SEMA3C: variants seen among roughly 807,000 people sequenced by gnomAD.
SEMA3C encodes the protein semaphorin-3C.
In SEMA3C, 47 loss-of-function variants were observed where a neutral mutation model predicts 89.4. That is an observed-to-expected ratio of 0.53 (90% CI 0.42 to 0.67). The LOEUF (loss-of-function observed/expected upper bound fraction) is 0.67, where lower values mean the gene tolerates loss of function less well. Among genes scored for constraint, SEMA3C ranks in the 30% least tolerant of loss-of-function variants. The pLI is 0.00. For synonymous variants in SEMA3C, 310 were observed against 320.2 expected, an observed-to-expected ratio of 0.97 and a Z score of 0.34; for missense variants, 839 against 929.1, an observed-to-expected ratio of 0.90 and a Z score of 1.26.
intron 2 of SEMA3C, among the ~76,000 whole-genome samples, chr7:80,885,371 C>T (rs926303392): frequency 4.6e-5 from 7 of 152,102 alleles, no homozygotes; most frequent in African/African-American, 1.7e-4. Context: ...AATCCTAGCA[C>T]TTTGGGAGGC....
At chr7:80,769,862 CCCAAAA>C (rs1416505027) in intron 12 of SEMA3C, among the ~76,000 whole-genome samples, 195 of 99,432 alleles carry the variant, frequency 2.0e-3, no homozygotes, top group African/African-American at 8.7e-3. Context: ...CTGTCCCCCC[CCCAAAA>C]AAAAAAAAAA....
intron 13 of SEMA3C, 95 bp from the exon 14 acceptor site, chr7:80,761,752 C>A: frequency 1.5e-6 from 1 of 688,578 alleles, no homozygotes; most frequent in South Asian, 1.8e-5. Flanking sequence ...AAGAAGAAAT[C>A]ACTTTTCTTT....
intron 2 of SEMA3C, among the ~76,000 whole-genome samples, chr7:80,890,970 G>C (rs926755315): frequency 6.6e-6 from 1 of 152,068 alleles, no homozygotes; most frequent in African/African-American, 2.4e-5. Context: ...ATGAATATTG[G>C]TTCAGATCTC....
chr7:80,901,180 CA>C (rs976256365), intron 2 of SEMA3C, among the ~76,000 whole-genome samples: 32 of 152,138 alleles, frequency 2.1e-4, no homozygotes, highest in Admixed American at 2.0e-3. Flanking sequence ...TTCCAGTTGT[CA>C]AGTTAGTTAG....
chr7:80,781,853 G>A (rs866469091), intron 12 of SEMA3C, among the ~76,000 whole-genome samples: 9 of 152,244 alleles, frequency 5.9e-5, no homozygotes, highest in Middle Eastern at 3.4e-3. Flanking sequence ...AAGTCATCTA[G>A]AGAAACATCA....
At chr7:80,851,115 T>C (rs1790500460) in intron 2 of SEMA3C, among the ~76,000 whole-genome samples, 1 of 152,186 alleles carries the variant, frequency 6.6e-6, no homozygotes, top group Admixed American at 6.5e-5. Flanking sequence ...ATAAGTACAC[T>C]TGTGATTCCA....
intron 6 of SEMA3C, 57 bp from the exon 7 acceptor site, chr7:80,805,815 A>T (rs1458768160): frequency 8.3e-6 from 11 of 1,329,770 alleles, no homozygotes; most frequent in Non-Finnish European, 1.1e-5. Flanking sequence ...TTGAAATTCT[A>T]GGTGAGTTTA....
intron 2 of SEMA3C, among the ~76,000 whole-genome samples, chr7:80,866,112 C>G (rs1488999217): frequency 6.6e-6 from 1 of 152,092 alleles, no homozygotes; most frequent in Non-Finnish European, 1.5e-5. Context: ...GGATAAAGAT[C>G]CAACAGTGTT....
In SEMA3C at chr7:80,805,630, C is replaced by T. The variant is rs1789320786; in HGVS notation, c.658+9G>A. ...TACTAAAAAATAAATGCATCAAATG[C>T]TTTCTTACCACTTAGCCATTTGGAA... On this transcript the variant is annotated intron_variant, in intron 7 of 17. Coordinates refer to ENST00000265361, the MANE Select transcript of SEMA3C (RefSeq NM_006379.5). 6.3e-7 allele frequency: 1 copy of T among 1,591,270 alleles called. No homozygotes were observed. The highest frequency in any genetic ancestry group is 1.2e-5 in the South Asian group (1 of 86,150).
At chr7:80,905,973 T>G in intron 2 of SEMA3C, 1 of 1,009,972 alleles carries the variant, frequency 9.9e-7, no homozygotes. Flanking sequence ...TTTAACTGAA[T>G]AATAAAACCT....
Position 80,750,461 on chromosome 7 carries a change from TATATATATATATACAC to T in SEMA3C, c.1711+792_1711+807del, listed in dbSNP as rs1172584653. 1.6e-3 allele frequency among the ~76,000 whole-genome samples: 107 copies of T among 67,398 alleles called. 1 individual carries two copies. The highest frequency in any genetic ancestry group is 5.1e-3 in the African/African-American group (90 of 17,710). 44.2% of individuals were successfully genotyped at this position (67,398 alleles called of 152,430 possible). Reference sequence around the variant, plus strand: ...ATATATATATATATATATATATATATATATATATATATACACACACACACACACACACACACACACA... The same window carrying T: ...ATATATATATATATATATATATATATACACACACACACACACACACACACA... On this transcript the variant is annotated intron_variant, in intron 16 of 17. Transcript: ENST00000265361.
chr7:80,873,556 T>C (rs1266807753), intron 2 of SEMA3C, among the ~76,000 whole-genome samples: 1 of 152,174 alleles, frequency 6.6e-6, no homozygotes, highest in East Asian at 1.9e-4. Context: ...GAGTAACATC[T>C]AGTGCATTAG....
At chr7:80,900,581 G>A (rs189234128) in intron 2 of SEMA3C, among the ~76,000 whole-genome samples, 3 of 152,320 alleles carry the variant, frequency 2.0e-5, no homozygotes, top group Admixed American at 1.3e-4. Flanking sequence ...TACATGGCTA[G>A]TAAGTGGTAA....
At chr7:80,830,948 A>C (rs1274109062) in intron 2 of SEMA3C, among the ~76,000 whole-genome samples, 1 of 152,162 alleles carries the variant, frequency 6.6e-6, no homozygotes, top group African/African-American at 2.4e-5. Flanking sequence ...GAGAATATAG[A>C]ATCAAAGCAA....
At chr7:80,907,409 C>T (rs1792040743) in intron 2 of SEMA3C, among the ~76,000 whole-genome samples, 1 of 151,988 alleles carries the variant, frequency 6.6e-6, no homozygotes, top group Non-Finnish European at 1.5e-5. Flanking sequence ...TGATAATACA[C>T]TCATTGTTTT....
At chr7:80,905,329 AGGGGTG>A (rs1791987531) in intron 2 of SEMA3C, among the ~76,000 whole-genome samples, 25 of 36,066 alleles carry the variant, frequency 6.9e-4, no homozygotes, top group African/African-American at 2.3e-3. Context: ...AGAGAGGGGG[AGGGGTG>A]GAGAGAGAGA....
At chr7:80,921,609 G>A (rs930726456), upstream of SEMA3C, among the ~76,000 whole-genome samples, 1 of 152,124 alleles carries the variant, frequency 6.6e-6, no homozygotes, top group African/African-American at 2.4e-5. Flanking sequence ...TTCGGTAAGG[G>A]GGACACTAAA....
chr7:80,872,219 C>T (rs1254157262), intron 2 of SEMA3C, among the ~76,000 whole-genome samples: 3 of 152,062 alleles, frequency 2.0e-5, no homozygotes, highest in Admixed American at 2.0e-4. Context: ...GGCGCAATCT[C>T]GGCTCACTGC....
intron 11 of SEMA3C, chr7:80,796,584 T>G (rs537541980): frequency 4.6e-5 from 7 of 152,214 alleles, no homozygotes; most frequent in Non-Finnish European, 1.0e-4. Flanking sequence ...TGCTTTTCCC[T>G]GTTTTATACA....
Sources: gnomAD v4.1 joint callset for allele counts (sites outside exome capture counted in the v4.1 genomes callset) on GRCh38, gnomAD v4.1.1 for gene constraint, MANE v1.5 for transcripts, NCBI Gene and HGNC (gene_info 2026-07-23, HGNC 2026-07-21) for gene names.